EIF3J: variants seen among roughly 807,000 people sequenced by gnomAD.
EIF3J encodes eukaryotic translation initiation factor 3 subunit J.
Under a neutral mutation model 39.0 loss-of-function variants are expected in EIF3J, and 15 were observed. That is an observed-to-expected ratio of 0.38 (90% CI 0.26 to 0.59). EIF3J has a LOEUF of 0.59. Among genes scored for constraint, EIF3J ranks in the 20% least tolerant of loss-of-function variants. The probability of loss-of-function intolerance (pLI) is 0.60; values close to 1 mark genes in which losing one functional copy is unlikely to be tolerated. For synonymous variants in EIF3J, 98 were observed against 112.9 expected (o/e 0.87, Z 0.84); for missense variants, 226 against 308.6 (o/e 0.73, Z 2.00).
At chr15:44,554,399 A>C (rs1392944855) in intron 4 of EIF3J, among the ~76,000 whole-genome samples, 154 bp from the exon 5 acceptor site, 1 of 151,664 alleles carries the variant, frequency 6.6e-6, no homozygotes, top group African/African-American at 2.4e-5. Flanking sequence ...AAAAAAAAAA[A>C]ACTAAAGTGT....
rs2140906318 is a variant in EIF3J, at chr15:44,562,235, T to G, written c.*1086T>G. ...ATGAGTGATTTGCCAGGTCCTTATG[T>G]TGTCACCATAGAGCAACAAAGGTAT... On this transcript the variant is annotated 3_prime_UTR_variant, in exon 8 of 8. Transcript: ENST00000261868. The G allele has an allele frequency of 6.5e-6, 1 of 152,732 alleles. No homozygotes were observed. Among genetic ancestry groups the G allele is most frequent in the African/African-American group, 2.4e-5 (1 of 41,576 alleles). 9.5% of individuals were successfully genotyped at this position (152,732 alleles called of 1,614,324 possible). A position where few individuals can be genotyped will look rare whatever the true frequency, so the allele number is the denominator to read the frequency against.
intron 3 of EIF3J, 60 bp downstream of exon 3, chr15:44,550,990 T>C: frequency 6.4e-7 from 1 of 1,556,516 alleles, no homozygotes; most frequent in Non-Finnish European, 8.7e-7. Context: ...TTGTGACTTG[T>C]ATTAAGACAA....
chr15:44,560,535 TCA>T (rs2082183026), intron 7 of EIF3J: 1 of 515,612 alleles, frequency 1.9e-6, no homozygotes, highest in East Asian at 3.1e-5. Flanking sequence ...ATTGCTGAAA[TCA>T]CAGACTGGGT....
chr15:44,559,451 C>G (rs1238113901), intron 6 of EIF3J, among the ~76,000 whole-genome samples: 3 of 151,626 alleles, frequency 2.0e-5, no homozygotes, highest in Admixed American at 6.6e-5. Flanking sequence ...TGGCTCACAC[C>G]TGTAACCCCA....
At chr15:44,548,439 A>G (rs1204596032) in intron 2 of EIF3J, among the ~76,000 whole-genome samples, 1 of 152,122 alleles carries the variant, frequency 6.6e-6, no homozygotes, top group Non-Finnish European at 1.5e-5. Flanking sequence ...AAAAAAACCC[A>G]GTATGGTACC....
In EIF3J at chr15:44,561,128, A is replaced by C. The variant is rs1422097667; in HGVS notation, c.756A>C (p.Gln252His). The C allele has an allele frequency of 7.4e-6, 12 of 1,612,128 alleles. No individual in the cohort carries two copies. Among genetic ancestry groups the C allele is most frequent in the Non-Finnish European group, 9.3e-6 (11 of 1,179,666 alleles). The change falls in exon 8 of 8, where the codon CAA (glutamine) becomes CAC (histidine). Residue 252 changes from glutamine to histidine, a missense_variant. Gln to His is a conservative substitution (Grantham distance 24, BLOSUM62 0). Around this residue, in one of 2 missense-constraint regions of EIF3J, gnomAD observed 83 missense variants for 152.6 expected, o/e 0.54. Transcript: ENST00000261868. ...GTGGTTATGATGGAGGATATGTACA[A>C]GACTATGAAGACTTCATGTGACATT... The part of the protein sequence containing the change: ...DYGGYDGGYV[Q>H]DYEDFM
At chr15:44,550,359 A>G (rs1210875093) in intron 2 of EIF3J, among the ~76,000 whole-genome samples, 3 of 152,176 alleles carry the variant, frequency 2.0e-5, no homozygotes, top group Admixed American at 6.5e-5. Context: ...TGGCACTATC[A>G]TAGCTCACTG....
In EIF3J at chr15:44,561,143, C is replaced by G; in HGVS notation, c.771C>G (p.Phe257Leu). 1 of 1,610,234 alleles carries G rather than the reference C, an allele frequency of 6.2e-7. No individual in the cohort carries two copies. The highest frequency in any genetic ancestry group is 8.5e-7 in the Non-Finnish European group (1 of 1,179,028). ...GATATGTACAAGACTATGAAGACTTCATGTGACATTTTATCTTTTCTTGGT... is the reference window on the plus strand; with the variant it reads ...GATATGTACAAGACTATGAAGACTTGATGTGACATTTTATCTTTTCTTGGT... ...DGGYVQDYEDFM is the reference protein window; with the variant it reads ...DGGYVQDYEDLM The change falls in exon 8 of 8, where the codon TTC becomes TTG. Residue 257 changes from phenylalanine to leucine, a missense_variant. Transcript: ENST00000261868.
intron 7 of EIF3J, chr15:44,560,585 A>G (rs961896594): frequency 5.1e-5 from 21 of 414,022 alleles, no homozygotes; most frequent in Non-Finnish European, 9.0e-5. Flanking sequence ...GTATAGGTAA[A>G]TCAGCTTTTC....
At chr15:44,548,033 A>G (rs965803886) in intron 2 of EIF3J, among the ~76,000 whole-genome samples, 12 of 152,236 alleles carry the variant, frequency 7.9e-5, no homozygotes, top group Non-Finnish European at 1.3e-4. Context: ...ATGGAAAAAC[A>G]AAACATGCAA....
chr15:44,543,748 A>T (rs1049421424), intron 2 of EIF3J, among the ~76,000 whole-genome samples: 4 of 152,056 alleles, frequency 2.6e-5, no homozygotes, highest in African/African-American at 9.7e-5. Flanking sequence ...CCATTCTGTG[A>T]TGGAGTAGGG....
At chr15:44,538,741 C>T (rs1156973312) in intron 2 of EIF3J, among the ~76,000 whole-genome samples, 1 of 152,158 alleles carries the variant, frequency 6.6e-6, no homozygotes, top group African/African-American at 2.4e-5. Context: ...TGTTACCAGC[C>T]GCATTACAAG....
intron 5 of EIF3J, among the ~76,000 whole-genome samples, chr15:44,554,936 T>C (rs985894094): frequency 5.9e-5 from 9 of 152,210 alleles, no homozygotes; most frequent in Admixed American, 2.0e-4. Context: ...CACTACTGCA[T>C]AGAATATTTT....
intron 6 of EIF3J, 185 bp downstream of exon 6, chr15:44,557,835 T>C (rs1198033313): frequency 5.1e-6 from 2 of 390,914 alleles, no homozygotes; most frequent in African/African-American, 2.1e-5. Flanking sequence ...GATCTTTTTG[T>C]TTGTTTGTAG....
chr15:44,552,806 C>T (rs537730936), intron 4 of EIF3J, among the ~76,000 whole-genome samples: 39 of 152,310 alleles, frequency 2.6e-4, no homozygotes, highest in Non-Finnish European at 3.4e-4. Flanking sequence ...GTGATCCACC[C>T]GCCTTGGCCT....
intron 2 of EIF3J, among the ~76,000 whole-genome samples, chr15:44,542,746 G>A (rs1395321934): frequency 1.3e-5 from 2 of 152,176 alleles, no homozygotes; most frequent in East Asian, 1.9e-4. Context: ...TGTATCTGCA[G>A]GGCAAGAGTA....
chr15:44,557,584 C>T lies in EIF3J; in HGVS notation c.505C>T (p.Gln169Ter). The stretch of plus-strand genomic sequence containing the variant: ...AAAGTTACTAAAAGATAAAATTACA[C>T]AATATGAAAAGTCACTATATTATGC... The part of the protein sequence containing the change: ...FGKLLKDKIT[Q>*]YEKSLYYASF... Residue 169 changes from glutamine (Q) to a stop codon, truncating the protein, a stop_gained, in exon 6 of 8, where the codon CAA becomes TAA. Coordinates refer to ENST00000261868, the MANE Select transcript of EIF3J (RefSeq NM_003758.4). LOFTEE classifies it high-confidence loss of function. The T allele has an allele frequency of 6.5e-7, 1 of 1,549,254 alleles. No homozygotes were observed. The highest frequency in any genetic ancestry group is 1.4e-5 in the African/African-American group (1 of 72,484).
In EIF3J at chr15:44,537,184, C is replaced by G. The variant is rs768500090; in HGVS notation, c.-11C>G. 1 of 1,612,026 alleles carries G rather than the reference C, an allele frequency of 6.2e-7. No individual in the cohort carries two copies. The highest frequency in any genetic ancestry group is 1.1e-5 in the South Asian group (1 of 90,964). ...GCTCTCCCTCTCACACACGCTCACA[C>G]CCGGCTCGAGATGGCGGCGGCGGCG... On this transcript the variant is annotated 5_prime_UTR_variant, in exon 1 of 8. Coordinates refer to ENST00000261868, the MANE Select transcript of EIF3J (RefSeq NM_003758.4).
chr15:44,553,763 T>G (rs1160122176), intron 4 of EIF3J, among the ~76,000 whole-genome samples: 1 of 152,204 alleles, frequency 6.6e-6, no homozygotes, highest in Non-Finnish European at 1.5e-5. Flanking sequence ...GCTTACATAT[T>G]TGTGTGCATC....
Sources: gnomAD v4.1 joint callset for allele counts (sites outside exome capture counted in the v4.1 genomes callset) on GRCh38, gnomAD v4.1.1 for gene constraint, gnomAD v4.1.1 regional missense constraint, MANE v1.5 for transcripts, NCBI Gene and HGNC (gene_info 2026-07-23, HGNC 2026-07-21) for gene names.